The following EYS variants were observed in gnomAD, a reference collection of about 807,000 sequenced individuals.
The protein encoded by EYS is EGF-like photoreceptor maintenance factor, also known as protein eyes shut homolog.
In EYS, 250 loss-of-function variants were observed where a neutral mutation model predicts 282.1. The ratio of observed to expected loss-of-function variants is 0.89; its 90% CI spans 0.80 to 0.98. The LOEUF (loss-of-function observed/expected upper bound fraction) is 0.98, where lower values mean the gene tolerates loss of function less well. Among genes scored for constraint, EYS ranks in the 50% least tolerant of loss-of-function variants. EYS has a pLI of 0.00. For missense variants in EYS, 4,016 were observed against 3,709.0 expected (o/e 1.08, Z -2.15); for synonymous variants, 1,355 against 1,282.9 (o/e 1.06, Z -1.20).
In EYS at chr6:64,893,881, A is replaced by T. The variant is rs1278539957; in HGVS notation, c.2847-7039T>A. ...TACACATATATGTACACATATTTACACATATATGTACACACATTTCATACA... is the reference window on the plus strand; with the variant it reads ...TACACATATATGTACACATATTTACTCATATATGTACACACATTTCATACA... On this transcript the variant is annotated intron_variant, in intron 18 of 42. Transcript: ENST00000503581. 2.0e-5 allele frequency among the ~76,000 whole-genome samples: 3 copies of T among 152,122 alleles called. No homozygotes were observed. In the East Asian group the frequency reaches 5.8e-4, roughly 29 times the overall value.
At chr6:64,354,191 T>C (rs1430323355) in intron 29 of EYS, among the ~76,000 whole-genome samples, 1 of 151,750 alleles carries the variant, frequency 6.6e-6, no homozygotes, top group Admixed American at 6.6e-5. Context: ...GAGCAAACTT[T>C]GGCAGAGATG....
intron 26 of EYS, 141 bp downstream of exon 26, chr6:64,590,082 G>T: frequency 1.5e-6 from 1 of 664,308 alleles, no homozygotes; most frequent in South Asian, 2.1e-5. Context: ...ACAACAGCAG[G>T]TGCCTTCTCA....
intron 12 of EYS, among the ~76,000 whole-genome samples, chr6:65,161,281 G>A (rs1454015918): frequency 1.3e-5 from 2 of 150,820 alleles, no homozygotes; most frequent in African/African-American, 4.8e-5. Context: ...ATGTGATATT[G>A]CTATTATTCA....
chr6:65,359,669 A>G (rs1764624518), intron 8 of EYS, among the ~76,000 whole-genome samples: 1 of 152,010 alleles, frequency 6.6e-6, no homozygotes. Context: ...TAGAAACCAT[A>G]CAGAAAAATG....
intron 22 of EYS, among the ~76,000 whole-genome samples, chr6:64,741,980 A>G (rs1458858941): frequency 6.6e-6 from 1 of 151,504 alleles, no homozygotes; most frequent in East Asian, 1.9e-4. Flanking sequence ...TTCTTCAAAT[A>G]TTTTTTTTTA....
chr6:64,822,427 A>C (rs1386990332), intron 20 of EYS, among the ~76,000 whole-genome samples: 1 of 151,968 alleles, frequency 6.6e-6, no homozygotes, highest in Non-Finnish European at 1.5e-5. Context: ...TTTATAGAAA[A>C]TTACTTTATG....
rs1765885921 is a variant in EYS, at chr6:64,214,899, T to G, written c.6424+15693A>C. On this transcript the variant is annotated intron_variant, in intron 31 of 42. Transcript: ENST00000503581. ...TGTAATGTTCCATTTGATATGTATGTAATATATATGTAAAATTATGCAAAT... is the reference window on the plus strand; with the variant it reads ...TGTAATGTTCCATTTGATATGTATGGAATATATATGTAAAATTATGCAAAT... Among the ~76,000 whole-genome samples the G allele has an allele frequency of 2.0e-5, 3 of 152,008 alleles. No homozygotes were observed. The South Asian group carries it at 6.2e-4, about 31-fold the overall frequency.
At chr6:65,680,165 GTTTGAC>G (rs1465678793) in intron 1 of EYS, among the ~76,000 whole-genome samples, 1 of 151,020 alleles carries the variant, frequency 6.6e-6, no homozygotes, top group African/African-American at 2.4e-5. Flanking sequence ...TAAATTCATT[GTTTGAC>G]TTTGACTCTA....
intron 2 of EYS, among the ~76,000 whole-genome samples, chr6:65,577,752 A>G (rs1041841421): frequency 7.0e-6 from 1 of 143,762 alleles, no homozygotes; most frequent in African/African-American, 2.5e-5. Context: ...GCCTGTTTTA[A>G]AAAAAAAAAA....
At chr6:64,695,418 T>A (rs1306269681) in intron 22 of EYS, among the ~76,000 whole-genome samples, 2 of 152,046 alleles carry the variant, frequency 1.3e-5, no homozygotes, top group Non-Finnish European at 2.9e-5. Flanking sequence ...GCACCCCAGC[T>A]ACTGAGAAGG....
chr6:64,577,568 G>A (rs80173818), intron 26 of EYS, among the ~76,000 whole-genome samples: 4,018 of 151,982 alleles, frequency 0.026, 109 homozygotes, highest in East Asian at 0.11. Context: ...GGCATTCATA[G>A]CTTATGTTAT....
intron 9 of EYS, among the ~76,000 whole-genome samples, chr6:65,347,256 G>A (rs1328063764): frequency 6.6e-6 from 1 of 151,620 alleles, no homozygotes; most frequent in Admixed American, 6.6e-5. Context: ...TATGAATAGA[G>A]CTTAGCATTT....
chr6:63,825,751 C>A (rs551456164), intron 36 of EYS, among the ~76,000 whole-genome samples: 1 of 152,144 alleles, frequency 6.6e-6, no homozygotes, highest in African/African-American at 2.4e-5. Flanking sequence ...CAACAGCCTT[C>A]GGCCCTAGAC....
chr6:63,885,927 T>C (rs1395760002), intron 35 of EYS, among the ~76,000 whole-genome samples: 1 of 152,194 alleles, frequency 6.6e-6, no homozygotes, highest in Non-Finnish European at 1.5e-5. Flanking sequence ...GTAGTTAATA[T>C]CAAATAAGTA....
At chr6:65,568,838 T>C (rs1582466481) in intron 2 of EYS, among the ~76,000 whole-genome samples, 1 of 152,196 alleles carries the variant, frequency 6.6e-6, no homozygotes, top group East Asian at 1.9e-4. Flanking sequence ...TAAAAAACAC[T>C]GATGAAACCA....
intron 22 of EYS, among the ~76,000 whole-genome samples, chr6:64,794,104 C>G (rs1774274972): frequency 6.6e-6 from 1 of 152,012 alleles, no homozygotes; most frequent in Non-Finnish European, 1.5e-5. Context: ...ATTTGTTGTT[C>G]TGTGATGTGC....
At chr6:64,516,092 A>G (rs2150522435) in intron 26 of EYS, among the ~76,000 whole-genome samples, 1 of 151,914 alleles carries the variant, frequency 6.6e-6, no homozygotes, top group South Asian at 2.1e-4. Context: ...CTAAACATTA[A>G]ATCAAGTATT....
intron 33 of EYS, among the ~76,000 whole-genome samples, chr6:64,049,979 T>A (rs1387072515): frequency 6.6e-6 from 1 of 152,130 alleles, no homozygotes; most frequent in Non-Finnish European, 1.5e-5. Context: ...AGGCAGACGA[T>A]GAATTTGCAA....
intron 31 of EYS, among the ~76,000 whole-genome samples, chr6:64,187,022 C>T (rs1764965994): frequency 6.6e-6 from 1 of 151,974 alleles, no homozygotes; most frequent in South Asian, 2.1e-4. Context: ...AGTTTTTTTT[C>T]CCCTCTGAAA....
Sources: gnomAD v4.1 joint callset for allele counts (sites outside exome capture counted in the v4.1 genomes callset) on GRCh38, gnomAD v4.1.1 for gene constraint, MANE v1.5 for transcripts, NCBI Gene and HGNC (gene_info 2026-07-23, HGNC 2026-07-21) for gene names.